Variants in ABCC6 observed in about 807,000 individuals in gnomAD.
ABCC6 encodes ATP-binding cassette sub-family C member 6.
A neutral mutation model predicts 169.5 loss-of-function variants in ABCC6; 126 were observed. That is an observed-to-expected ratio of 0.74 (90% CI 0.64 to 0.86). ABCC6 has a LOEUF of 0.86. ABCC6 is among the 40% of genes least tolerant of loss of function. The probability of loss-of-function intolerance (pLI) is 0.00; values close to 1 mark genes in which losing one functional copy is unlikely to be tolerated. For missense variants in ABCC6, 1,733 were observed against 1,927.2 expected (o/e 0.90, Z 1.89); for synonymous variants, 752 against 814.7 (o/e 0.92, Z 1.31).
chr16:16,196,311 C>T (rs1567520597), intron 10 of ABCC6, among the ~76,000 whole-genome samples: 12 of 152,096 alleles, frequency 7.9e-5, no homozygotes, highest in Admixed American at 4.6e-4. Flanking sequence ...TGGAGGAATA[C>T]CATGCCTGTT....
At chr16:16,157,896 C>T in intron 26 of ABCC6, 87 bp from the exon 27 acceptor site, 1 of 1,440,578 alleles carries the variant, frequency 6.9e-7, no homozygotes, top group African/African-American at 1.4e-5. Flanking sequence ...TCAGTTTTCT[C>T]TTCCGCAAAA....
intron 5 of ABCC6, among the ~76,000 whole-genome samples, chr16:16,212,898 C>T (rs1034035928): frequency 2.6e-5 from 4 of 151,982 alleles, no homozygotes; most frequent in Admixed American, 1.3e-4. Context: ...ACCTGTCGTG[C>T]GATTTTTGTC....
intron 22 of ABCC6, among the ~76,000 whole-genome samples, chr16:16,168,749 C>T (rs1032141769): frequency 2.6e-5 from 4 of 152,092 alleles, no homozygotes; most frequent in Non-Finnish European, 4.4e-5. Context: ...GGCAAACATG[C>T]GCACACCCAC....
Position 16,165,863 on chromosome 16 carries a change from C to G in ABCC6, c.3066G>C (p.Gln1022His). The stretch of plus-strand genomic sequence containing the variant: ...ATCGCACCACATCCCACAGGAGCCT[C>G]TGGAAGAGCAACCTGGATGCCCGGG... ...GGARASRLLF[Q>H]RLLWDVVRSP... The change falls in exon 23 of 31, where the codon CAG becomes CAC. Residue 1022 changes from glutamine (Q) to histidine (H), a missense_variant. Transcript: ENST00000205557. 6.2e-7 allele frequency: 1 copy of G among 1,613,350 alleles called. No homozygotes were observed. The highest frequency in any genetic ancestry group is 1.1e-5 in the South Asian group (1 of 91,084).
chr16:16,154,569 G>A (rs1377331962), intron 29 of ABCC6, 59 bp downstream of exon 29: 1 of 1,606,206 alleles, frequency 6.2e-7, no homozygotes, highest in African/African-American at 1.3e-5. Context: ...CCTTGGGGAG[G>A]GCATGGCCAT....
chr16:16,197,932 G>A (rs1338022905), intron 10 of ABCC6, 89 bp downstream of exon 10: 6 of 1,426,668 alleles, frequency 4.2e-6, no homozygotes, highest in Non-Finnish European at 5.8e-6. Context: ...GCTAAGTCAG[G>A]AGGAGGAAGG....
chr16:16,184,971 G>A lies in ABCC6; in HGVS notation c.1931C>T (p.Pro644Leu), dbSNP rs1361260153. The A allele has an allele frequency of 6.2e-7, 1 of 1,613,400 alleles. No individual in the cohort carries two copies. Among genetic ancestry groups the A allele is most frequent in the Non-Finnish European group, 8.5e-7 (1 of 1,179,470 alleles). ...TGTCGTTCTGTACCTGTGGAGGCAG[G>A]GAGGGCTTTCCTGGGACCAGGCGAA... is the stretch of plus-strand genomic sequence containing the variant. The part of the protein sequence containing the change: ...ATFAWSQESP[P>L]CLHRINLTVP... Residue 644 changes from proline to leucine, a missense_variant, in exon 15 of 31, where the codon CCC (proline) becomes CTC (leucine). Coordinates refer to ENST00000205557, the MANE Select transcript of ABCC6 (RefSeq NM_001171.6).
intron 21 of ABCC6, among the ~76,000 whole-genome samples, chr16:16,172,807 C>T (rs1437405962): frequency 6.6e-6 from 1 of 152,092 alleles, no homozygotes; most frequent in African/African-American, 2.4e-5. Flanking sequence ...CTTTGGGAGG[C>T]AGAGGCCAGA....
chr16:16,221,958 A>G, intron 1 of ABCC6, 127 bp from the exon 2 acceptor site: 1 of 1,416,380 alleles, frequency 7.1e-7, no homozygotes, highest in South Asian at 1.2e-5. Flanking sequence ...TACTCTTTGG[A>G]ATACCTACTA....
Position 16,163,039 on chromosome 16 carries a change from C to T in ABCC6, c.3460G>A (p.Val1154Ile), listed in dbSNP as rs147794514. ...APFVAQNNAR[V>I]DESQRISFPR... ...AAACTGATCCTCTGGCTTTCATCTA[C>T]GCGAGCATTGTTCTGAGCCACAAAG... is the stretch of plus-strand genomic sequence containing the variant. Residue 1154 changes from valine (V) to isoleucine (I), a missense_variant, in exon 24 of 31, where the codon GTA (valine) becomes ATA (isoleucine). Val to Ile is a conservative substitution (Grantham distance 29). This residue lies in a region of ABCC6 where 1,601 missense variants were observed against 1,635.5 expected (regional missense o/e 0.98). Coordinates refer to ENST00000205557, the MANE Select transcript of ABCC6 (RefSeq NM_001171.6). 21 of 1,613,930 alleles carry T rather than the reference C, an allele frequency of 1.3e-5. No individual in the cohort carries two copies. The highest frequency in any genetic ancestry group is 1.6e-4 in the Middle Eastern group (1 of 6,084).
chr16:16,222,262 G>T (rs1440046422), intron 1 of ABCC6, among the ~76,000 whole-genome samples: 1 of 152,166 alleles, frequency 6.6e-6, no homozygotes, highest in East Asian at 1.9e-4. Context: ...TCGGGGAACT[G>T]CCTCCCCCAG....
chr16:16,161,666 G>A, intron 24 of ABCC6, 102 bp from the exon 25 acceptor site: 3 of 1,524,364 alleles, frequency 2.0e-6, no homozygotes, highest in Non-Finnish European at 2.7e-6. Context: ...TGTACACACA[G>A]GGGTCCCAGC....
At chr16:16,170,826 A>G (rs1427724187) in intron 21 of ABCC6, among the ~76,000 whole-genome samples, 1 of 149,884 alleles carries the variant, frequency 6.7e-6, no homozygotes, top group Non-Finnish European at 1.5e-5. Flanking sequence ...GGCTAAGGCA[A>G]GAGAATCGTT....
At chr16:16,212,312 A>ATTT in intron 5 of ABCC6, 66 bp from the exon 6 acceptor site, 9 of 753,378 alleles carry the variant, frequency 1.2e-5, no homozygotes, top group South Asian at 3.2e-5. Flanking sequence ...CGAACTGTGT[A>ATTT]TTTTTTTTTT....
rs77686515 is a variant in ABCC6 at position 16,159,778 on chromosome 16, C to T, written c.3634-195G>A. The stretch of plus-strand genomic sequence containing the variant: ...CAACCAACAGGTCCCTCTCTTCCTT[C>T]AGTAGAACCAGAGCATGCAGAGCAA... On this transcript the variant is annotated intron_variant, in intron 25 of 30. Transcript: ENST00000205557. Among the ~76,000 whole-genome samples, 979 of 152,290 alleles carry T rather than the reference C, an allele frequency of 6.4e-3. 9 individuals carry two copies. Among genetic ancestry groups the T allele is most frequent in the African/African-American group, 0.023 (949 of 41,540 alleles).
chr16:16,166,918 C>CAAAA (rs142435762), intron 22 of ABCC6, among the ~76,000 whole-genome samples: 4 of 151,512 alleles, frequency 2.6e-5, no homozygotes, highest in Non-Finnish European at 5.9e-5. Context: ...AACAAACAAA[C>CAAAA]AAAAAAACCA....
chr16:16,219,243 TTGTG>T (rs1336647724), intron 4 of ABCC6, among the ~76,000 whole-genome samples: 2 of 144,844 alleles, frequency 1.4e-5, no homozygotes, highest in African/African-American at 2.6e-5. Context: ...TGTGCCCAGG[TTGTG>T]TGTGTGTGCG....
chr16:16,201,269 G>A (rs930555272), intron 9 of ABCC6, among the ~76,000 whole-genome samples: 1 of 152,200 alleles, frequency 6.6e-6, no homozygotes, highest in Admixed American at 6.5e-5. Flanking sequence ...GCCCAGCCTA[G>A]GGGTCATTTT....
rs779018991 is a variant in ABCC6 at position 16,159,524 on chromosome 16, C to CAA, written c.3692_3693insTT (p.Ser1232CysfsTer42). Reference sequence around the variant, plus strand: ...CATAGTCCTGCATCCGCTCCACTGACACGATGCTGTTCTCTAGGTCTGTCC... The same window carrying CAA: ...CATAGTCCTGCATCCGCTCCACTGACAAACGATGCTGTTCTCTAGGTCTGTCC... On this transcript the variant is annotated frameshift_variant, in exon 26 of 31. Coordinates refer to ENST00000205557, the MANE Select transcript of ABCC6 (RefSeq NM_001171.6). LOFTEE classifies it high-confidence loss of function. 1 of 1,614,200 alleles carries CAA rather than the reference C, an allele frequency of 6.2e-7. No individual in the cohort carries two copies. The highest frequency in any genetic ancestry group is 8.5e-7 in the Non-Finnish European group (1 of 1,180,028).
Sources: gnomAD v4.1 joint callset for allele counts (sites outside exome capture counted in the v4.1 genomes callset) on GRCh38, gnomAD v4.1.1 for gene constraint, gnomAD v4.1.1 regional missense constraint, MANE v1.5 for transcripts, NCBI Gene and HGNC (gene_info 2026-07-23, HGNC 2026-07-21) for gene names.